Variants in PPP1R1C observed in about 807,000 individuals in gnomAD.
PPP1R1C encodes protein phosphatase 1 regulatory inhibitor subunit 1C.
A neutral mutation model predicts 17.4 loss-of-function variants in PPP1R1C; 15 were observed. That is an observed-to-expected ratio of 0.86 (90% CI 0.58 to 1.33). The LOEUF (loss-of-function observed/expected upper bound fraction) is 1.33. PPP1R1C is among the 40% of genes most tolerant of loss of function. PPP1R1C has a pLI of 0.00. For synonymous variants in PPP1R1C, 35 were observed against 43.1 expected, an observed-to-expected ratio of 0.81 and a Z score of 0.73; for missense variants, 143 against 130.0, an observed-to-expected ratio of 1.10 and a Z score of -0.48.
chr2:181,978,964 C>G (rs1685146663), intron 2 of PPP1R1C, among the ~76,000 whole-genome samples: 1 of 152,160 alleles, frequency 6.6e-6, no homozygotes. Context: ...ATTCTAATCC[C>G]TGGCTATTCA....
intron 4 of PPP1R1C, among the ~76,000 whole-genome samples, chr2:182,093,291 G>T (rs919190387): frequency 6.6e-6 from 1 of 152,098 alleles, no homozygotes; most frequent in Non-Finnish European, 1.5e-5. Context: ...GGGACCCAGG[G>T]CACCAAGTCC....
intron 5 of PPP1R1C, among the ~76,000 whole-genome samples, chr2:182,128,415 T>C (rs1300085900): frequency 2.0e-5 from 3 of 152,090 alleles, no homozygotes; most frequent in Non-Finnish European, 4.4e-5. Context: ...CAGAGAATCT[T>C]GTCAGGGCCC....
At position 181,995,513 on chromosome 2, in the gene PPP1R1C, T is replaced by A. The variant is rs550499026; in HGVS notation, c.142+7614T>A. Among the ~76,000 whole-genome samples the A allele has an allele frequency of 3.9e-5, 6 of 152,300 alleles. No homozygotes were observed. In the South Asian group the frequency reaches 1.2e-3, roughly 32 times the overall value. On this transcript the variant is annotated intron_variant, in intron 2 of 4. Coordinates refer to ENST00000682840, the MANE Select transcript of PPP1R1C (RefSeq NM_001080545.3). ...TAATTTCAAAGAACTCTAGTCTGAG[T>A]CCATTGAATAAATAGGTGTCTGCAT... is the stretch of plus-strand genomic sequence containing the variant.
intron 4 of PPP1R1C, among the ~76,000 whole-genome samples, chr2:182,101,062 A>T (rs1053407803): frequency 2.8e-4 from 42 of 152,244 alleles, no homozygotes; most frequent in African/African-American, 9.4e-4. Context: ...GATCGCCATC[A>T]TAAAGAACAA....
At chr2:182,090,367 G>A (rs1688748558) in intron 4 of PPP1R1C, among the ~76,000 whole-genome samples, 1 of 151,828 alleles carries the variant, frequency 6.6e-6, no homozygotes, top group Non-Finnish European at 1.5e-5. Flanking sequence ...GACAGAAAGA[G>A]ATGAAGCTGT....
intron 2 of PPP1R1C, among the ~76,000 whole-genome samples, chr2:182,005,682 C>A (rs901659020): frequency 6.6e-6 from 1 of 152,184 alleles, no homozygotes; most frequent in Non-Finnish European, 1.5e-5. Flanking sequence ...TTTCAAGTCT[C>A]AAATACGAGC....
At chr2:182,087,405 T>G (rs1688658204) in intron 4 of PPP1R1C, among the ~76,000 whole-genome samples, 1 of 152,244 alleles carries the variant, frequency 6.6e-6, no homozygotes, top group Non-Finnish European at 1.5e-5. Context: ...TTTGCACAAC[T>G]GCTGAATTCT....
intron 4 of PPP1R1C, among the ~76,000 whole-genome samples, chr2:182,109,630 T>C (rs918114247): frequency 3.3e-4 from 51 of 152,338 alleles, no homozygotes; most frequent in African/African-American, 1.2e-3. Flanking sequence ...TTCCCTTTTC[T>C]CCTTTGTCAA....
chr2:181,971,124 A>G (rs1289423244), intron 1 of PPP1R1C, among the ~76,000 whole-genome samples: 1 of 151,912 alleles, frequency 6.6e-6, no homozygotes, highest in African/African-American at 2.4e-5. Flanking sequence ...TTCTGTTTCC[A>G]TTTCTCAAGC....
intron 2 of PPP1R1C, among the ~76,000 whole-genome samples, chr2:182,010,604 G>A (rs1193261371): frequency 6.6e-6 from 1 of 151,932 alleles, no homozygotes; most frequent in African/African-American, 2.4e-5. Context: ...ACAATTCAGA[G>A]GCACTTTATT....
At chr2:182,120,224 C>T (rs544227662), downstream of PPP1R1C, among the ~76,000 whole-genome samples, 28 of 152,174 alleles carry the variant, frequency 1.8e-4, no homozygotes, top group African/African-American at 5.1e-4. Flanking sequence ...TGTAGATATG[C>T]GGCATTATTT....
At chr2:182,080,389 G>A (rs1408669602) in intron 4 of PPP1R1C, among the ~76,000 whole-genome samples, 1 of 152,142 alleles carries the variant, frequency 6.6e-6, no homozygotes, top group Non-Finnish European at 1.5e-5. Context: ...CATTTATAAC[G>A]ACTTCGTCTT....
intron 2 of PPP1R1C, among the ~76,000 whole-genome samples, chr2:182,004,292 T>A (rs1264623834): frequency 6.6e-6 from 1 of 152,194 alleles, no homozygotes; most frequent in Non-Finnish European, 1.5e-5. Flanking sequence ...TCCCTAGCAA[T>A]ACACAGATTT....
intron 2 of PPP1R1C, among the ~76,000 whole-genome samples, chr2:182,053,506 T>C (rs1687588250): frequency 6.6e-6 from 1 of 152,164 alleles, no homozygotes; most frequent in African/African-American, 2.4e-5. Context: ...CCTTTGCCAT[T>C]TGTTATTGCA....
chr2:182,074,223 A>T (rs192079554), intron 4 of PPP1R1C, among the ~76,000 whole-genome samples: 349 of 151,894 alleles, frequency 2.3e-3, no homozygotes, highest in African/African-American at 8.2e-3. Flanking sequence ...TTGTACTTTT[A>T]GTAGAGACGG....
At chr2:182,071,081 G>A in intron 4 of PPP1R1C, among the ~76,000 whole-genome samples, 1 of 152,064 alleles carries the variant, frequency 6.6e-6, no homozygotes, top group Non-Finnish European at 1.5e-5. Context: ...GATTTGGATG[G>A]GGACACAGAT....
intron 2 of PPP1R1C, among the ~76,000 whole-genome samples, chr2:181,977,006 C>T (rs1376424394): frequency 1.3e-5 from 2 of 151,690 alleles, no homozygotes; most frequent in Non-Finnish European, 2.9e-5. Context: ...GGCATGGTGA[C>T]ACATGCCTGT....
In PPP1R1C at chr2:181,962,222, C is replaced by A; in HGVS notation, n.111+7588C>A. The stretch of plus-strand genomic sequence containing the variant: ...GTAGGAGGCCAGACGGTCATTCAGG[C>A]TTTGCATTGTCTCCTTCTTATTCTG... On this transcript the variant is annotated intron_variant and non_coding_transcript_variant, in intron 1 of 5. Transcript: ENST00000464264. The surrounding 1 kb of genome is among the most constrained non-coding windows in gnomAD (Gnocchi z 6.0). The A allele has an allele frequency of 4.1e-6, 3 of 735,464 alleles. No homozygotes were observed. Among genetic ancestry groups the A allele is most frequent in the Non-Finnish European group, 7.4e-6 (3 of 404,348 alleles). 45.6% of individuals were successfully genotyped at this position (735,464 alleles called of 1,614,324 possible). A position where few individuals can be genotyped will look rare whatever the true frequency, so the allele number is the denominator to read the frequency against.
chr2:182,010,509 T>C (rs1686058340), intron 2 of PPP1R1C, among the ~76,000 whole-genome samples: 1 of 152,112 alleles, frequency 6.6e-6, no homozygotes, highest in African/African-American at 2.4e-5. Context: ...TTACCAGTTA[T>C]ACTAGTTTTT....
Sources: gnomAD v4.1 joint callset for allele counts (sites outside exome capture counted in the v4.1 genomes callset) on GRCh38, gnomAD v4.1.1 for gene constraint, Gnocchi (gnomAD v3.1) non-coding constraint, MANE v1.5 for transcripts, NCBI Gene and HGNC (gene_info 2026-07-23, HGNC 2026-07-21) for gene names.